Variants in AGBL4 observed in about 807,000 individuals in gnomAD.
AGBL4 encodes the protein AGBL carboxypeptidase 4, also known as cytosolic carboxypeptidase 6.
A neutral mutation model predicts 66.4 loss-of-function variants in AGBL4; 58 were observed. That is an observed-to-expected ratio of 0.87 (90% CI 0.71 to 1.09). AGBL4 has a LOEUF of 1.09. Among genes scored for constraint, AGBL4 ranks in the 50% least tolerant of loss-of-function variants. The pLI, the probability that AGBL4 is intolerant of heterozygous loss-of-function variation, is 0.00. For synonymous variants in AGBL4, 234 were observed against 222.9 expected, an observed-to-expected ratio of 1.05 and a Z score of -0.44; for missense variants, 579 against 631.0, an observed-to-expected ratio of 0.92 and a Z score of 0.88.
intron 4 of AGBL4, among the ~76,000 whole-genome samples, chr1:49,146,847 C>T (rs1453188216): frequency 2.0e-5 from 3 of 152,212 alleles, no homozygotes; most frequent in Non-Finnish European, 2.9e-5. Flanking sequence ...TTACAGCCAA[C>T]CCAAACATCT....
intron 1 of AGBL4, among the ~76,000 whole-genome samples, chr1:49,948,452 T>TAAATATATAAATATAAATATATAA (rs1655706262): frequency 3.5e-5 from 2 of 57,044 alleles, no homozygotes; most frequent in Non-Finnish European, 7.1e-5. Flanking sequence ...TATAAATATA[T>TAAATATATAAATATAAATATATAA]AAATATAGAT....
At chr1:48,796,182 T>C (rs531709913) in intron 6 of AGBL4, among the ~76,000 whole-genome samples, 1 of 152,332 alleles carries the variant, frequency 6.6e-6, no homozygotes, top group East Asian at 1.9e-4. Context: ...AAATTAAACA[T>C]TAATTCTCAG....
intron 6 of AGBL4, chr1:48,759,237 C>T (rs1644124473): frequency 6.3e-7 from 1 of 1,592,840 alleles, no homozygotes; most frequent in Non-Finnish European, 8.6e-7. Flanking sequence ...CCACCACTGC[C>T]TCGATGCTCT....
chr1:48,617,057 A>G (rs1011891817), intron 9 of AGBL4, among the ~76,000 whole-genome samples: 1 of 152,188 alleles, frequency 6.6e-6, no homozygotes, highest in Non-Finnish European at 1.5e-5. Context: ...GAGAAGAAAG[A>G]AAGGAAGAAA....
At chr1:49,359,642 T>C (rs1644095585) in intron 3 of AGBL4, among the ~76,000 whole-genome samples, 3 of 152,152 alleles carry the variant, frequency 2.0e-5, no homozygotes, top group African/African-American at 7.2e-5. Context: ...ACTGCGTGCA[T>C]GGAGAACACT....
chr1:49,757,862 T>C (rs1287218357), intron 2 of AGBL4, among the ~76,000 whole-genome samples: 4 of 152,166 alleles, frequency 2.6e-5, no homozygotes, highest in Non-Finnish European at 5.9e-5. Flanking sequence ...GGGGAAAAAT[T>C]CAAGCAGTCT....
At chr1:49,736,176 A>T (rs989421029) in intron 2 of AGBL4, among the ~76,000 whole-genome samples, 3 of 152,108 alleles carry the variant, frequency 2.0e-5, no homozygotes, top group Non-Finnish European at 4.4e-5. Flanking sequence ...TAGTATACAC[A>T]TCAAAGAAAT....
intron 2 of AGBL4, among the ~76,000 whole-genome samples, chr1:49,726,547 T>C (rs916753185): frequency 3.9e-5 from 6 of 152,134 alleles, no homozygotes; most frequent in Non-Finnish European, 7.4e-5. Flanking sequence ...GAAGGAAATA[T>C]TAACAAATTT....
At chr1:49,030,842 A>AT (rs952130191) in intron 5 of AGBL4, among the ~76,000 whole-genome samples, 3 of 151,738 alleles carry the variant, frequency 2.0e-5, no homozygotes, top group African/African-American at 4.8e-5. Flanking sequence ...AAAAAAGGAA[A>AT]AAAAGAAAAA....
intron 9 of AGBL4, among the ~76,000 whole-genome samples, chr1:48,604,822 G>A (rs1471014460): frequency 1.3e-5 from 2 of 152,198 alleles, no homozygotes; most frequent in African/African-American, 2.4e-5. Flanking sequence ...TGAGAGTTAA[G>A]CAAGGGTTGG....
chr1:49,506,814 C>T (rs574750508), intron 3 of AGBL4, among the ~76,000 whole-genome samples: 1 of 151,880 alleles, frequency 6.6e-6, no homozygotes, highest in Non-Finnish European at 1.5e-5. Context: ...GTTGCAAAGC[C>T]CATCTATAAA....
In AGBL4 at chr1:49,259,337, C is replaced by T. The variant is rs551527676; in HGVS notation, c.283-13473G>A. ...ACTTTAAATGTAAATGGACTAAATGCTCCAATTAAAAGACACAGACTGGCA... is the reference window on the plus strand; with the variant it reads ...ACTTTAAATGTAAATGGACTAAATGTTCCAATTAAAAGACACAGACTGGCA... On this transcript the variant is annotated intron_variant, in intron 3 of 13. Transcript: ENST00000371839. Among the ~76,000 whole-genome samples the T allele has an allele frequency of 2.6e-4, 40 of 152,138 alleles. No homozygotes were observed. In the Middle Eastern group the frequency reaches 0.014, roughly 52 times the overall value.
intron 1 of AGBL4, among the ~76,000 whole-genome samples, chr1:49,876,233 A>T (rs1229664903): frequency 8.9e-6 from 1 of 112,536 alleles, no homozygotes; most frequent in Non-Finnish European, 1.8e-5. Context: ...GTCCTTGCCC[A>T]CGCCTATGTC....
chr1:48,712,389 C>T lies in AGBL4; in HGVS notation c.635-49148G>A, dbSNP rs375020143. 2.2e-4 allele frequency among the ~76,000 whole-genome samples: 33 copies of T among 152,260 alleles called. No homozygotes were observed. The South Asian group carries it at 3.5e-3, about 16-fold the overall frequency. On this transcript the variant is annotated intron_variant, in intron 6 of 13. Transcript: ENST00000371839. ...CCACTCTTTGCTGCTTTTTTCCCCA[C>T]GGGTAGGACCCTGAGCATATCATTT...
intron 3 of AGBL4, among the ~76,000 whole-genome samples, chr1:49,523,758 C>A (rs1284730680): frequency 6.6e-6 from 1 of 152,104 alleles, no homozygotes; most frequent in African/African-American, 2.4e-5. Flanking sequence ...CAAGCAACCA[C>A]ACAGTGTTAC....
intron 3 of AGBL4, among the ~76,000 whole-genome samples, chr1:49,530,614 T>C (rs1434958990): frequency 1.3e-5 from 2 of 152,046 alleles, no homozygotes; most frequent in Non-Finnish European, 2.9e-5. Context: ...AAAATAATCA[T>C]ATGCACCATC....
intron 4 of AGBL4, among the ~76,000 whole-genome samples, chr1:49,161,383 CA>C (rs1210323683): frequency 6.6e-6 from 1 of 152,174 alleles, no homozygotes; most frequent in East Asian, 1.9e-4. Flanking sequence ...GGACTGCAAC[CA>C]CTGTCCAACC....
intron 2 of AGBL4, chr1:49,845,497 C>G: frequency 6.3e-7 from 1 of 1,576,598 alleles, no homozygotes; most frequent in Non-Finnish European, 8.7e-7. Flanking sequence ...GAAACCCTAT[C>G]AGTGTGGTGA....
chr1:49,307,071 C>T (rs1421020692), intron 3 of AGBL4, among the ~76,000 whole-genome samples: 2 of 152,082 alleles, frequency 1.3e-5, no homozygotes, highest in Non-Finnish European at 2.9e-5. Flanking sequence ...AATTGCAATA[C>T]CAGGTAAAGT....
Sources: allele counts gnomAD v4.1 joint callset (sites outside exome capture counted in the v4.1 genomes callset), GRCh38; gene constraint gnomAD v4.1.1; transcripts MANE v1.5; gene names NCBI Gene and HGNC (gene_info 2026-07-23, HGNC 2026-07-21).